Variants in ARMH3 observed in about 807,000 individuals in gnomAD.
ARMH3 encodes armadillo-like helical domain-containing protein 3.
A neutral mutation model predicts 99.1 loss-of-function variants in ARMH3; 60 were observed. The ratio of observed to expected loss-of-function variants is 0.61; its 90% CI spans 0.49 to 0.75. ARMH3 has a LOEUF of 0.75. Among genes scored for constraint, ARMH3 ranks in the 30% least tolerant of loss-of-function variants. The pLI is 0.00. For synonymous variants in ARMH3, 285 were observed against 292.8 expected (o/e 0.97, Z 0.27); for missense variants, 679 against 843.1 (o/e 0.81, Z 2.41).
intron 22 of ARMH3, among the ~76,000 whole-genome samples, chr10:101,940,890 A>G (rs983338424): frequency 1.3e-5 from 2 of 152,222 alleles, no homozygotes; most frequent in Non-Finnish European, 1.5e-5. Flanking sequence ...TTTAGAAAAG[A>G]GACAAAACAG....
chr10:101,906,071 A>C (rs2068095356), intron 23 of ARMH3, among the ~76,000 whole-genome samples: 1 of 152,312 alleles, frequency 6.6e-6, no homozygotes, highest in East Asian at 1.9e-4. Flanking sequence ...TGTGAGACTT[A>C]TTCTGATTTG....
chr10:101,922,486 A>G (rs1193308332), intron 23 of ARMH3, among the ~76,000 whole-genome samples: 1 of 152,204 alleles, frequency 6.6e-6, no homozygotes, highest in Non-Finnish European at 1.5e-5. Context: ...TCTTGAGTTC[A>G]AGTGATCCTC....
intron 22 of ARMH3, among the ~76,000 whole-genome samples, chr10:101,944,273 T>TATATATATATAG (rs1844401380): frequency 1.2e-4 from 3 of 25,404 alleles, no homozygotes; most frequent in Admixed American, 5.6e-4. Flanking sequence ...TATATATATA[T>TATATATATATAG]AGAGAGAGAG....
chr10:102,004,025 T>A (rs2066427844), intron 14 of ARMH3, among the ~76,000 whole-genome samples: 1 of 152,222 alleles, frequency 6.6e-6, no homozygotes, highest in Non-Finnish European at 1.5e-5. Context: ...TGGGGCTTTT[T>A]TCCTGCTCAT....
chr10:101,978,776 C>G (rs1474774865), intron 19 of ARMH3, among the ~76,000 whole-genome samples: 1 of 152,018 alleles, frequency 6.6e-6, no homozygotes, highest in Non-Finnish European at 1.5e-5. Context: ...ATCGTCTCTA[C>G]TAAAAATACA....
At chr10:101,956,831 A>G in intron 21 of ARMH3, 108 bp from the exon 22 acceptor site, 1 of 1,136,798 alleles carries the variant, frequency 8.8e-7, no homozygotes, top group Non-Finnish European at 1.1e-6. Flanking sequence ...TTGACTGTAA[A>G]ATTTTCAGGA....
intron 23 of ARMH3, among the ~76,000 whole-genome samples, chr10:101,893,388 AT>A (rs776541637): frequency 0.02 from 3,024 of 150,494 alleles, 47 homozygotes; most frequent in Non-Finnish European, 0.032. Context: ...TTCTTAGGAA[AT>A]TTTTTTTTTA....
In ARMH3 at chr10:102,012,885, GA is replaced by G; in HGVS notation, c.727-10del. ...ATTACAAGTCCCATTCCCTAGAAGG[GA>G]AAAGATAGCACAGGTGAAATAAGAC... On this transcript the variant is annotated splice_polypyrimidine_tract_variant and intron_variant, in intron 9 of 25. Transcript: ENST00000370033. The G allele has an allele frequency of 1.9e-6, 3 of 1,604,304 alleles. No homozygotes were observed. The highest frequency in any genetic ancestry group is 1.3e-5 in the African/African-American group (1 of 74,840).
rs185027036 is a variant in ARMH3, at chr10:102,013,932, A to G, written c.726+36T>C. 15 of 1,529,802 alleles carry G rather than the reference A, an allele frequency of 9.8e-6. No individual in the cohort carries two copies. The East Asian group carries it at 2.5e-4, about 25-fold the overall frequency. 94.8% of individuals were successfully genotyped at this position (1,529,802 alleles called of 1,614,324 possible). On this transcript the variant is annotated intron_variant, in intron 9 of 25. Coordinates refer to ENST00000370033, the MANE Select transcript of ARMH3 (RefSeq NM_024541.3). ...CTGAAAGTAATACCATTGAATGCAA[A>G]TAAGTAAGACAATACACAAGGATCC... is the stretch of plus-strand genomic sequence containing the variant.
At chr10:101,868,531 T>C (rs2067059291) in intron 24 of ARMH3, among the ~76,000 whole-genome samples, 1 of 152,182 alleles carries the variant, frequency 6.6e-6, no homozygotes, top group Non-Finnish European at 1.5e-5. Flanking sequence ...CCACCTCTTC[T>C]GCCTCTGCCA....
chr10:101,916,980 T>C (rs1183385094), intron 23 of ARMH3, among the ~76,000 whole-genome samples: 2 of 152,194 alleles, frequency 1.3e-5, no homozygotes, highest in Admixed American at 6.5e-5. Flanking sequence ...CAACCTTTAA[T>C]TGGAAGCCTA....
At chr10:101,921,969 T>C (rs1042583880) in intron 23 of ARMH3, among the ~76,000 whole-genome samples, 10 of 152,150 alleles carry the variant, frequency 6.6e-5, no homozygotes, top group African/African-American at 2.4e-4. Flanking sequence ...TATTTTAAAA[T>C]AGCTAGAAGA....
intron 24 of ARMH3, among the ~76,000 whole-genome samples, chr10:101,854,199 A>T (rs1378395481): frequency 6.6e-6 from 1 of 152,166 alleles, no homozygotes; most frequent in Non-Finnish European, 1.5e-5. Flanking sequence ...TTGTTATGGG[A>T]CTTCAGACAA....
chr10:101,847,458 C>CA lies in ARMH3; in HGVS notation c.*69_*70insT, dbSNP rs2066487561. 9.3e-6 allele frequency: 14 copies of CA among 1,502,328 alleles called. 1 individual carries two copies. The Admixed American group carries it at 2.2e-4, about 24-fold the overall frequency. 93.1% of individuals were successfully genotyped at this position (1,502,328 alleles called of 1,614,324 possible). A position where few individuals can be genotyped will look rare whatever the true frequency, so the allele number is the denominator to read the frequency against. ...CAACCTCGGGGGCAGCCCCCTCTCC[C>CA]CTCGCTCCCCCTCCAGCCCATGATC... On this transcript the variant is annotated 3_prime_UTR_variant, in exon 26 of 26. Transcript: ENST00000370033.
intron 24 of ARMH3, among the ~76,000 whole-genome samples, chr10:101,866,833 G>T (rs2067015192): frequency 6.6e-6 from 1 of 152,098 alleles, no homozygotes; most frequent in Non-Finnish European, 1.5e-5. Context: ...CAACCAAGAG[G>T]CAACAGATGA....
At chr10:102,054,752 T>A (rs2067795285) in intron 1 of ARMH3, among the ~76,000 whole-genome samples, 1 of 152,014 alleles carries the variant, frequency 6.6e-6, no homozygotes, top group African/African-American at 2.4e-5. Context: ...TCCGAACACT[T>A]TGGGAGATCG....
chr10:102,024,309 C>T (rs940460030), intron 6 of ARMH3, among the ~76,000 whole-genome samples: 4 of 151,470 alleles, frequency 2.6e-5, no homozygotes, highest in Non-Finnish European at 5.9e-5. Context: ...ATTAGCCAGG[C>T]GTGGTTGTAC....
At chr10:101,873,970 T>C (rs974230308) in intron 24 of ARMH3, among the ~76,000 whole-genome samples, 4 of 152,348 alleles carry the variant, frequency 2.6e-5, no homozygotes, top group African/African-American at 7.2e-5. Context: ...TTTGGGTGGA[T>C]ATATATTTTC....
intron 22 of ARMH3, among the ~76,000 whole-genome samples, chr10:101,944,681 G>A (rs923030586): frequency 2.0e-5 from 3 of 152,054 alleles, no homozygotes; most frequent in Non-Finnish European, 4.4e-5. Flanking sequence ...AACCATGGTG[G>A]TGCACACCTG....
Sources: allele counts gnomAD v4.1 joint callset (sites outside exome capture counted in the v4.1 genomes callset), GRCh38; gene constraint gnomAD v4.1.1; transcripts MANE v1.5; gene names NCBI Gene and HGNC (gene_info 2026-07-23, HGNC 2026-07-21).